The following COPS3 variants were observed in gnomAD, a reference collection of about 807,000 sequenced individuals.
COPS3 encodes the protein COP9 signalosome subunit 3.
In COPS3, 10 loss-of-function variants were observed where a neutral mutation model predicts 58.2. That is an observed-to-expected ratio of 0.17 (90% CI 0.11 to 0.29). The LOEUF (loss-of-function observed/expected upper bound fraction) is 0.29, where lower values mean the gene tolerates loss of function less well. Ranked by LOEUF, COPS3 falls within the 10% of genes least tolerant of loss-of-function variation. The probability of loss-of-function intolerance (pLI) is 1.00; values close to 1 mark genes in which losing one functional copy is unlikely to be tolerated. For missense variants in COPS3, 333 were observed against 510.1 expected, an observed-to-expected ratio of 0.65 and a Z score of 3.34; for synonymous variants, 187 against 181.7, an observed-to-expected ratio of 1.03 and a Z score of -0.24.
At chr17:17,275,096 T>C (rs1261618764) in intron 2 of COPS3, among the ~76,000 whole-genome samples, 2 of 116,220 alleles carry the variant, frequency 1.7e-5, no homozygotes, top group African/African-American at 2.7e-5. Flanking sequence ...AACAACTGAT[T>C]TTTTTTTTTT....
chr17:17,250,254 CT>C (rs113179216), intron 9 of COPS3, among the ~76,000 whole-genome samples: 12,104 of 127,474 alleles, frequency 0.095, 429 homozygotes, highest in Middle Eastern at 0.12. Context: ...CTTACATCGC[CT>C]TTTTTTTTTT....
intron 5 of COPS3, among the ~76,000 whole-genome samples, chr17:17,265,447 G>A (rs1597684850): frequency 6.7e-6 from 1 of 149,156 alleles, no homozygotes; most frequent in Non-Finnish European, 1.5e-5. Context: ...CACACAGGCT[G>A]GAGTGCAGTG....
chr17:17,280,615 G>T, intron 1 of COPS3: 2 of 1,302,640 alleles, frequency 1.5e-6, no homozygotes, highest in Non-Finnish European at 2.0e-6. Flanking sequence ...CAAAATAGGC[G>T]CACAGGTTCC....
rs776776336 is a variant in COPS3, at chr17:17,262,016, C to G, written c.712G>C (p.Val238Leu). 2 of 1,606,608 alleles carry G rather than the reference C, an allele frequency of 1.2e-6. No individual in the cohort carries two copies. The highest frequency in any genetic ancestry group is 1.7e-5 in the Admixed American group (1 of 58,462). ...ILVSLILLGK[V>L]QQLPKYTSQI... ...GATGTATATTTTGGTAGCTGTTGTA[C>G]TTTGCCAAGTAATATCAAAGACACT... The change falls in exon 7 of 12, where the codon GTA (valine) becomes CTA (leucine). Residue 238 changes from valine to leucine, a missense_variant. By Grantham distance (32) the Val-to-Leu change is conservative. Transcript: ENST00000268717.
At chr17:17,247,196 A>C (rs945114907) in intron 11 of COPS3, 45 bp from the exon 12 acceptor site, 1 of 1,586,184 alleles carries the variant, frequency 6.3e-7, no homozygotes, top group Non-Finnish European at 8.7e-7. Context: ...TGCTTTTATC[A>C]AGGGTTCCCC....
chr17:17,262,232 G>T, intron 6 of COPS3, 126 bp from the exon 7 acceptor site: 2 of 849,436 alleles, frequency 2.4e-6, no homozygotes, highest in Non-Finnish European at 3.6e-6. Flanking sequence ...TTTTATAACA[G>T]CCTTATTGAG....
chr17:17,271,852 A>ATC (rs1567860731), intron 2 of COPS3, among the ~76,000 whole-genome samples: 1 of 142,870 alleles, frequency 7.0e-6, no homozygotes, highest in South Asian at 2.1e-4. Flanking sequence ...ATATATATAT[A>ATC]TATATACACA....
chr17:17,274,004 G>A (rs1452821279), intron 2 of COPS3, among the ~76,000 whole-genome samples: 1 of 152,174 alleles, frequency 6.6e-6, no homozygotes, highest in African/African-American at 2.4e-5. Context: ...GTGACATCAA[G>A]ACCCTATCTC....
Position 17,276,074 on chromosome 17 carries a change from A to C in COPS3, c.146T>G (p.Leu49Arg). The C allele has an allele frequency of 6.2e-7, 1 of 1,614,172 alleles. No homozygotes were observed. The stretch of plus-strand genomic sequence containing the variant: ...GCCCAAGGAGTGTTCTTGTACATCC[A>C]GAGCCCCGAGCACAGTGTCCAGATG... ...LSHLDTVLGA[L>R]DVQEHSLGVL... The change falls in exon 2 of 12, where the codon CTG becomes CGG. Residue 49 changes from leucine to arginine, a missense_variant. Physicochemically the swap from Leu to Arg is moderately radical, Grantham distance 102. Transcript: ENST00000268717.
At chr17:17,247,292 C>T in intron 11 of COPS3, 141 bp from the exon 12 acceptor site, 1 of 955,610 alleles carries the variant, frequency 1.0e-6, no homozygotes, top group South Asian at 1.4e-5. Flanking sequence ...AGGAACCACC[C>T]TAAGCATCCC....
At chr17:17,258,598 T>C (rs1282020811) in intron 8 of COPS3, among the ~76,000 whole-genome samples, 2 of 151,840 alleles carry the variant, frequency 1.3e-5, no homozygotes, top group Non-Finnish European at 2.9e-5. Context: ...CAAACAGAGT[T>C]TGTGTTTTTA....
intron 9 of COPS3, among the ~76,000 whole-genome samples, chr17:17,250,249 A>G (rs1014221244): frequency 1.4e-5 from 2 of 138,820 alleles, no homozygotes; most frequent in African/African-American, 2.7e-5. Flanking sequence ...TATAACTTAC[A>G]TCGCCTTTTT....
At chr17:17,267,162 C>G (rs1020891369) in intron 5 of COPS3, among the ~76,000 whole-genome samples, 2 of 151,098 alleles carry the variant, frequency 1.3e-5, no homozygotes, top group Non-Finnish European at 2.9e-5. Flanking sequence ...ACAGTAAAAC[C>G]CCGTGTCTAC....
intron 1 of COPS3, among the ~76,000 whole-genome samples, chr17:17,279,121 G>C (rs977109616): frequency 6.6e-6 from 1 of 152,070 alleles, no homozygotes; most frequent in East Asian, 1.9e-4. Flanking sequence ...TGATCCGCCC[G>C]CCTCGGCCTC....
intron 6 of COPS3, 38 bp from the exon 7 acceptor site, chr17:17,262,144 A>C (rs746154805): frequency 1.1e-5 from 17 of 1,572,078 alleles, no homozygotes; most frequent in African/African-American, 1.4e-5. Context: ...AAGAGAACAT[A>C]CCACAGTAGC....
At chr17:17,280,654 G>A (rs1337429547) in intron 1 of COPS3, 1 of 1,304,964 alleles carries the variant, frequency 7.7e-7, no homozygotes, top group Non-Finnish European at 1.0e-6. Flanking sequence ...CAGCGGAGGA[G>A]CTGGCAGAGG....
At chr17:17,249,529 G>A (rs972324213) in intron 9 of COPS3, among the ~76,000 whole-genome samples, 2 of 152,016 alleles carry the variant, frequency 1.3e-5, no homozygotes, top group Non-Finnish European at 2.9e-5. Flanking sequence ...TTTCGCTCTT[G>A]TTGCCCAGGC....
chr17:17,262,196 A>G (rs947762623), intron 6 of COPS3, 90 bp from the exon 7 acceptor site: 12 of 1,203,436 alleles, frequency 1.0e-5, no homozygotes, highest in Middle Eastern at 3.9e-4. Flanking sequence ...TTATAAGTCA[A>G]TAATACTTTT....
At position 17,281,209 on chromosome 17, in the gene COPS3, C is replaced by G; in HGVS notation, c.-23G>C. The G allele has an allele frequency of 6.2e-7, 1 of 1,604,992 alleles. No individual in the cohort carries two copies. The highest frequency in any genetic ancestry group is 8.5e-7 in the Non-Finnish European group (1 of 1,176,056). The stretch of plus-strand genomic sequence containing the variant: ...CATGTTTTCCCCCGGGCGGCCCGAG[C>G]GGCGAAGGCAGCACGCGCGGGAAAA... On this transcript the variant is annotated 5_prime_UTR_variant, in exon 1 of 12. Transcript: ENST00000268717.
Sources: gnomAD v4.1 joint callset for allele counts (sites outside exome capture counted in the v4.1 genomes callset) on GRCh38, gnomAD v4.1.1 for gene constraint, MANE v1.5 for transcripts, NCBI Gene and HGNC (gene_info 2026-07-23, HGNC 2026-07-21) for gene names.